Variants in SGCZ observed in about 807,000 individuals in gnomAD.
SGCZ encodes sarcoglycan zeta, also known as zeta-sarcoglycan.
A neutral mutation model predicts 41.3 loss-of-function variants in SGCZ; 40 were observed. That is an observed-to-expected ratio of 0.97 (90% CI 0.75 to 1.26). The LOEUF (loss-of-function observed/expected upper bound fraction) is 1.26, where lower values mean the gene tolerates loss of function less well. Among genes scored for constraint, SGCZ ranks in the 50% most tolerant of loss-of-function variants. SGCZ has a pLI of 0.00. For missense variants in SGCZ, 552 were observed against 369.8 expected (o/e 1.49, Z -4.04); for synonymous variants, 206 against 137.5 (o/e 1.50, Z -3.49).
intron 3 of SGCZ, among the ~76,000 whole-genome samples, chr8:14,279,731 T>A (rs1225869783): frequency 6.6e-6 from 1 of 152,034 alleles, no homozygotes; most frequent in East Asian, 1.9e-4. Flanking sequence ...AATTCCAGCC[T>A]CTAAAAAGTA....
intron 2 of SGCZ, among the ~76,000 whole-genome samples, chr8:14,533,769 C>T (rs1266124165): frequency 6.6e-6 from 1 of 151,870 alleles, no homozygotes; most frequent in East Asian, 1.9e-4. Context: ...ATATATCTTT[C>T]CTCCAAACAA....
chr8:14,344,303 G>T (rs1336917264), intron 2 of SGCZ, among the ~76,000 whole-genome samples: 2 of 151,538 alleles, frequency 1.3e-5, no homozygotes, highest in Non-Finnish European at 2.9e-5. Context: ...TCCAGTAATA[G>T]ATTCAAGAAG....
At chr8:14,100,495 A>G (rs763837422) in intron 7 of SGCZ, among the ~76,000 whole-genome samples, 64 of 148,998 alleles carry the variant, frequency 4.3e-4, no homozygotes, top group East Asian at 4.3e-3. Flanking sequence ...TGTAGTGGAA[A>G]GAAATCCTGA....
chr8:14,483,575 AC>A (rs1354149209), intron 2 of SGCZ, among the ~76,000 whole-genome samples: 3 of 152,190 alleles, frequency 2.0e-5, no homozygotes, highest in Non-Finnish European at 2.9e-5. Context: ...TGTCTCAGAA[AC>A]AAAACACACA....
intron 2 of SGCZ, among the ~76,000 whole-genome samples, chr8:14,414,679 G>C (rs1799448972): frequency 6.6e-6 from 1 of 151,896 alleles, no homozygotes; most frequent in Admixed American, 6.6e-5. Context: ...TATCATAATA[G>C]CATAACAATA....
At chr8:15,110,653 C>A (rs1438759064) in intron 1 of SGCZ, among the ~76,000 whole-genome samples, 1 of 152,176 alleles carries the variant, frequency 6.6e-6, no homozygotes, top group African/African-American at 2.4e-5. Context: ...CAGTATGGCA[C>A]TAGCCAGCAC....
At chr8:14,338,908 C>T (rs1267731758) in intron 2 of SGCZ, among the ~76,000 whole-genome samples, 4 of 152,152 alleles carry the variant, frequency 2.6e-5, no homozygotes, top group African/African-American at 4.8e-5. Context: ...CATTTCTGCA[C>T]AGTCATTGGT....
At chr8:14,705,949 C>T (rs1239265771) in intron 1 of SGCZ, among the ~76,000 whole-genome samples, 1 of 151,960 alleles carries the variant, frequency 6.6e-6, no homozygotes, top group East Asian at 1.9e-4. Flanking sequence ...TTCATAACTC[C>T]TGTTATCCCA....
At chr8:15,111,152 C>A (rs1294521919) in intron 1 of SGCZ, among the ~76,000 whole-genome samples, 1 of 152,088 alleles carries the variant, frequency 6.6e-6, no homozygotes, top group Non-Finnish European at 1.5e-5. Flanking sequence ...AAGGGGAATT[C>A]ACACTATTTT....
chr8:14,138,198 A>T (rs1803260164), intron 5 of SGCZ, among the ~76,000 whole-genome samples: 1 of 152,202 alleles, frequency 6.6e-6, no homozygotes, highest in South Asian at 2.1e-4. Flanking sequence ...CATGGAAAGG[A>T]ACAACCAGTA....
At chr8:14,635,919 T>G (rs1327401878) in intron 1 of SGCZ, among the ~76,000 whole-genome samples, 1 of 151,954 alleles carries the variant, frequency 6.6e-6, no homozygotes, top group Non-Finnish European at 1.5e-5. Flanking sequence ...ATTATAATGC[T>G]GCCGATATGC....
intron 1 of SGCZ, among the ~76,000 whole-genome samples, chr8:15,049,933 C>T (rs1804454642): frequency 6.6e-6 from 1 of 152,078 alleles, no homozygotes; most frequent in Non-Finnish European, 1.5e-5. Flanking sequence ...GTGAGTCCTC[C>T]ACAGCCATCT....
chr8:14,388,839 GAA>G (rs57599520), intron 2 of SGCZ, among the ~76,000 whole-genome samples: 7,110 of 140,264 alleles, frequency 0.051, 546 homozygotes, highest in African/African-American at 0.17. Context: ...TAATAAAAAA[GAA>G]AAAAAAAAAG....
intron 1 of SGCZ, among the ~76,000 whole-genome samples, chr8:15,158,080 TC>T (rs1424520800): frequency 8.6e-5 from 13 of 152,024 alleles, no homozygotes; most frequent in Admixed American, 7.9e-4. Flanking sequence ...TGGTATCATC[TC>T]CAATCCTTAC....
chr8:14,215,379 CAGA>C (rs1805958835), intron 4 of SGCZ, among the ~76,000 whole-genome samples: 1 of 151,424 alleles, frequency 6.6e-6, no homozygotes, highest in Non-Finnish European at 1.5e-5. Flanking sequence ...GCAGTGATAA[CAGA>C]CAAACTTACA....
chr8:14,249,707 C>T (rs936251318), intron 3 of SGCZ, among the ~76,000 whole-genome samples: 4 of 152,116 alleles, frequency 2.6e-5, no homozygotes, highest in African/African-American at 9.7e-5. Flanking sequence ...TCTAGCAAGT[C>T]TTACCCTTTT....
intron 3 of SGCZ, among the ~76,000 whole-genome samples, chr8:14,305,329 C>A (rs754004698): frequency 6.6e-6 from 1 of 152,022 alleles, no homozygotes; most frequent in Non-Finnish European, 1.5e-5. Flanking sequence ...ATGACCACAG[C>A]GTGCAATATT....
chr8:14,819,229 T>G (rs939662687), intron 1 of SGCZ, among the ~76,000 whole-genome samples: 1 of 151,930 alleles, frequency 6.6e-6, no homozygotes, highest in African/African-American at 2.4e-5. Context: ...TATCAGAAGA[T>G]TGTGTAGCAG....
intron 3 of SGCZ, among the ~76,000 whole-genome samples, chr8:14,313,076 G>C (rs1445035700): frequency 5.9e-5 from 9 of 152,240 alleles, no homozygotes; most frequent in African/African-American, 2.2e-4. Context: ...ATGATACTCA[G>C]ATAAGTTACA....
Sources: gnomAD v4.1 joint callset for allele counts (sites outside exome capture counted in the v4.1 genomes callset) on GRCh38, gnomAD v4.1.1 for gene constraint, MANE v1.5 for transcripts, NCBI Gene and HGNC (gene_info 2026-07-23, HGNC 2026-07-21) for gene names.